XRCC4: variants seen among roughly 807,000 people sequenced by gnomAD.
XRCC4 encodes the protein X-ray repair cross complementing 4, also known as DNA repair protein XRCC4.
In XRCC4, 28 loss-of-function variants were observed where a neutral mutation model predicts 39.1. The ratio of observed to expected loss-of-function variants is 0.72; its 90% CI spans 0.53 to 0.98. XRCC4 has a LOEUF of 0.98. Ranked by LOEUF, XRCC4 falls within the 50% of genes least tolerant of loss-of-function variation. The probability of loss-of-function intolerance (pLI) is 0.00; values close to 1 mark genes in which losing one functional copy is unlikely to be tolerated. For synonymous variants in XRCC4, 123 were observed against 126.4 expected (o/e 0.97, Z 0.18); for missense variants, 350 against 376.4 (o/e 0.93, Z 0.58).
chr5:83,294,771 T>C (rs921402103), intron 7 of XRCC4, among the ~76,000 whole-genome samples: 2 of 152,076 alleles, frequency 1.3e-5, no homozygotes, highest in Non-Finnish European at 2.9e-5. Flanking sequence ...ATTTTAGGTA[T>C]TCATAATTTA....
chr5:83,362,131 C>T, the XRCC4 span, among the ~76,000 whole-genome samples: 2 of 151,772 alleles, frequency 1.3e-5, no homozygotes, highest in South Asian at 4.1e-4. Flanking sequence ...CTTGCAATGT[C>T]ATGTTAAAGA....
chr5:83,372,552 G>T, the XRCC4 span, among the ~76,000 whole-genome samples: 2 of 152,092 alleles, frequency 1.3e-5, no homozygotes, highest in Non-Finnish European at 2.9e-5. Context: ...AAATCCATAT[G>T]CACATTCAGT....
intron 1 of XRCC4, among the ~76,000 whole-genome samples, chr5:83,098,639 T>A (rs1427505206): frequency 6.6e-6 from 1 of 152,138 alleles, no homozygotes; most frequent in Admixed American, 6.6e-5. Flanking sequence ...CTTTGGAAAT[T>A]TAAAGGCAAA....
chr5:83,368,687 T>C, the XRCC4 span, among the ~76,000 whole-genome samples: 1 of 152,218 alleles, frequency 6.6e-6, no homozygotes, highest in African/African-American at 2.4e-5. Context: ...TTGTAGATCC[T>C]ACGATAGTCC....
downstream of XRCC4, among the ~76,000 whole-genome samples, chr5:83,354,478 C>A (rs946799920): frequency 3.9e-5 from 6 of 152,158 alleles, no homozygotes; most frequent in Non-Finnish European, 8.8e-5. Flanking sequence ...CATACATATA[C>A]ATGGATATAC....
chr5:83,226,589 C>T (rs1752299619), intron 6 of XRCC4, among the ~76,000 whole-genome samples: 1 of 152,038 alleles, frequency 6.6e-6, no homozygotes, highest in Non-Finnish European at 1.5e-5. Flanking sequence ...TTAGGGCCCT[C>T]TATGTGGGAT....
intron 7 of XRCC4, among the ~76,000 whole-genome samples, chr5:83,300,546 T>TTGTGTGTGTGTGTG (rs70973389): frequency 2.3e-4 from 29 of 126,986 alleles, no homozygotes; most frequent in East Asian, 9.5e-4. Flanking sequence ...TATCTTTTGT[T>TTGTGTGTGTGTGTG]TGTGTGTGTG....
intron 7 of XRCC4, among the ~76,000 whole-genome samples, chr5:83,337,727 T>G (rs1756635644): frequency 6.6e-6 from 1 of 152,128 alleles, no homozygotes; most frequent in Non-Finnish European, 1.5e-5. Flanking sequence ...AACAAAATGG[T>G]CTTTATTTTA....
intron 7 of XRCC4, among the ~76,000 whole-genome samples, chr5:83,334,492 T>A (rs1756530975): frequency 6.6e-6 from 1 of 152,012 alleles, no homozygotes; most frequent in African/African-American, 2.4e-5. Context: ...TTAAGGTACC[T>A]CAATGTAACG....
At chr5:83,284,152 T>C (rs1428147724) in intron 7 of XRCC4, among the ~76,000 whole-genome samples, 2 of 151,734 alleles carry the variant, frequency 1.3e-5, no homozygotes, top group African/African-American at 4.8e-5. Flanking sequence ...TGATATAGTT[T>C]GTTATTGATG....
intron 6 of XRCC4, among the ~76,000 whole-genome samples, chr5:83,241,989 G>A (rs898744518): frequency 2.6e-5 from 4 of 151,730 alleles, no homozygotes; most frequent in African/African-American, 4.9e-5. Context: ...GGAGGCGGAA[G>A]GGTTGGTCTT....
chr5:83,122,115 T>C (rs906765821), intron 3 of XRCC4, among the ~76,000 whole-genome samples: 3 of 152,314 alleles, frequency 2.0e-5, no homozygotes, highest in African/African-American at 4.8e-5. Flanking sequence ...TCATGTAGTA[T>C]AACTTCTTCA....
At chr5:83,182,913 A>T (rs1051029548) in intron 3 of XRCC4, among the ~76,000 whole-genome samples, 1 of 152,196 alleles carries the variant, frequency 6.6e-6, no homozygotes, top group African/African-American at 2.4e-5. Context: ...TGAGCAGTTA[A>T]GTTCTGTTGT....
rs146711625 is a variant in XRCC4 at position 83,234,026 on chromosome 5, C to T, written c.746-24504C>T. Among the ~76,000 whole-genome samples, 703 of 152,166 alleles carry T rather than the reference C, an allele frequency of 4.6e-3. 3 individuals carry two copies. The highest frequency in any genetic ancestry group is 6.9e-3 in the Non-Finnish European group (470 of 68,016). On this transcript the variant is annotated intron_variant, in intron 6 of 7. Transcript: ENST00000396027. The stretch of plus-strand genomic sequence containing the variant: ...TTAGTTCTACCAATACCTTTGCTCA[C>T]GAATACAGGCGTTTTATACGAACAT...
chr5:83,262,967 A>T (rs1466569331), intron 7 of XRCC4, among the ~76,000 whole-genome samples: 5 of 145,914 alleles, frequency 3.4e-5, no homozygotes, highest in African/African-American at 1.3e-4. Context: ...AGCATTAGGT[A>T]TATCTCCCGA....
intron 4 of XRCC4, among the ~76,000 whole-genome samples, chr5:83,202,620 T>A (rs1384909370): frequency 6.6e-6 from 1 of 152,014 alleles, no homozygotes; most frequent in Admixed American, 6.6e-5. Context: ...CTGGTATATA[T>A]GTGTGTGTGT....
intron 1 of XRCC4, among the ~76,000 whole-genome samples, chr5:83,090,345 G>GGA (rs1554052982): frequency 2.1e-5 from 1 of 47,496 alleles, no homozygotes; most frequent in African/African-American, 8.9e-5. Flanking sequence ...TGGTGGGGTT[G>GGA]GGGGGGGCTC....
chr5:83,339,023 TAGA>T (rs1180987131), intron 7 of XRCC4, among the ~76,000 whole-genome samples: 1 of 152,182 alleles, frequency 6.6e-6, no homozygotes, highest in Non-Finnish European at 1.5e-5. Flanking sequence ...ATTCTGAGCG[TAGA>T]CTGTGTCCCC....
At chr5:83,189,371 A>C (rs1432711449) in intron 3 of XRCC4, among the ~76,000 whole-genome samples, 1 of 152,144 alleles carries the variant, frequency 6.6e-6, no homozygotes, top group Non-Finnish European at 1.5e-5. Flanking sequence ...TAGATGACAC[A>C]CTTGAAATAT....
Sources: gnomAD v4.1 joint callset for allele counts (sites outside exome capture counted in the v4.1 genomes callset) on GRCh38, gnomAD v4.1.1 for gene constraint, MANE v1.5 for transcripts, NCBI Gene and HGNC (gene_info 2026-07-23, HGNC 2026-07-21) for gene names.